Variants in CALML4 observed in about 807,000 individuals in gnomAD.
The protein encoded by CALML4 is calmodulin-like protein 4.
CALML4 carries 16 observed loss-of-function variants against 17.9 expected under a neutral mutation model. That is an observed-to-expected ratio of 0.89 (90% CI 0.61 to 1.36). The LOEUF is 1.36. Among genes scored for constraint, CALML4 ranks in the 40% most tolerant of loss-of-function variants. CALML4 has a pLI of 0.00. For synonymous variants in CALML4, 86 were observed against 71.5 expected (o/e 1.20, Z -1.02); for missense variants, 203 against 194.8 (o/e 1.04, Z -0.25).
At position 68,199,681 on chromosome 15, in the gene CALML4, T is replaced by TC; in HGVS notation, c.35-1dup (p.Glu12GlyfsTer10). The stretch of plus-strand genomic sequence containing the variant: ...ATACAGGGAGAAGCATTCCTTGTAC[T>TC]CTGCACACGGCCCAGAGGGAGGGTC... On this transcript the variant is annotated frameshift_variant and splice_region_variant. Transcript: ENST00000467889. LOFTEE classifies it high-confidence loss of function. 6.2e-7 allele frequency: 1 copy of TC among 1,612,782 alleles called. No individual in the cohort carries two copies. The highest frequency in any genetic ancestry group is 8.5e-7 in the Non-Finnish European group (1 of 1,179,730).
At position 68,199,607 on chromosome 15, in the gene CALML4, T is replaced by A. The variant is rs368129130; in HGVS notation, c.109A>T (p.Met37Leu). ...GTCGGGCTGGCCCCCAGGCACCTCA[T>A]GGCCACCATGAGGTCGGTGGCTTTT... ...KIKATDLMVA[M>L]RCLGASPTPG... The change falls in exon 3 of 5, where the codon ATG becomes TTG. Residue 37 changes from methionine (M) to leucine (L), a missense_variant. Physicochemically the swap from Met to Leu is conservative, Grantham distance 15 (BLOSUM62 2). Coordinates refer to ENST00000467889, the MANE Select transcript of CALML4 (RefSeq NM_033429.3). 6.2e-7 allele frequency: 1 copy of A among 1,613,768 alleles called. No homozygotes were observed. Among genetic ancestry groups the A allele is most frequent in the Non-Finnish European group, 8.5e-7 (1 of 1,179,950 alleles).
In CALML4 at chr15:68,197,435, G is replaced by T; in HGVS notation, c.364+5C>A. On this transcript the variant is annotated splice_donor_5th_base_variant and intron_variant, in intron 4 of 4. Transcript: ENST00000467889. This position sits in a 1 kb window ranked among gnomAD's most constrained non-coding sequence, Gnocchi z 4.1. Reference sequence around the variant, plus strand: ...ACTGTTGGGAGACAGGACCCAGGCTGTTACCTTCCTTGTGGGTGAGCTTCT... The same window carrying T: ...ACTGTTGGGAGACAGGACCCAGGCTTTTACCTTCCTTGTGGGTGAGCTTCT... 6.2e-7 allele frequency: 1 copy of T among 1,613,008 alleles called. No individual in the cohort carries two copies. Among genetic ancestry groups the T allele is most frequent in the Non-Finnish European group, 8.5e-7 (1 of 1,179,470 alleles).
At chr15:68,202,105 C>A (rs930705665) in intron 2 of CALML4, among the ~76,000 whole-genome samples, 7 of 152,198 alleles carry the variant, frequency 4.6e-5, no homozygotes, top group African/African-American at 1.7e-4. Flanking sequence ...GATTAAAAAT[C>A]CCCTTTAAGT....
rs367834252 is a variant in CALML4 at position 68,200,556 on chromosome 15, C to G, written c.35-875G>C. On this transcript the variant is annotated intron_variant, in intron 2 of 4. Coordinates refer to ENST00000467889, the MANE Select transcript of CALML4 (RefSeq NM_033429.3). This position sits in a 1 kb window ranked among gnomAD's most constrained non-coding sequence, Gnocchi z 4.3. Reference sequence around the variant, plus strand: ...CCAGCTGGGAGTTCAGGAAAAGTCCCTGAACCGCACTGACTGAGCATCTGA... The same window carrying G: ...CCAGCTGGGAGTTCAGGAAAAGTCCGTGAACCGCACTGACTGAGCATCTGA... 6.6e-6 allele frequency among the ~76,000 whole-genome samples: 1 copy of G among 152,238 alleles called. No homozygotes were observed. Among genetic ancestry groups the G allele is most frequent in the African/African-American group, 2.4e-5 (1 of 41,474 alleles).
chr15:68,197,734 A>G lies in CALML4; in HGVS notation c.176-106T>C, dbSNP rs886498080. ...ACAGCCGGTTCAAGGTCAACTGACCAGGGAATGCCAGGATGTGGCAGTGGT... is the reference window on the plus strand; with the variant it reads ...ACAGCCGGTTCAAGGTCAACTGACCGGGGAATGCCAGGATGTGGCAGTGGT... On this transcript the variant is annotated intron_variant, in intron 3 of 4. Coordinates refer to ENST00000467889, the MANE Select transcript of CALML4 (RefSeq NM_033429.3). The surrounding 1 kb of genome is among the most constrained non-coding windows in gnomAD (Gnocchi z 4.1). 2 of 975,518 alleles carry G rather than the reference A, an allele frequency of 2.1e-6. No homozygotes were observed. Among genetic ancestry groups the G allele is most frequent in the African/African-American group, 1.6e-5 (1 of 60,988 alleles). The allele number at this position is 975,518 out of a possible 1,614,324, so 60.4% of individuals were successfully genotyped here.
intron 2 of CALML4, among the ~76,000 whole-genome samples, chr15:68,202,343 C>T (rs960271072): frequency 1.3e-5 from 2 of 152,222 alleles, no homozygotes; most frequent in Non-Finnish European, 1.5e-5. Context: ...CAGTGGCTCA[C>T]GCCTGTAATC....
Position 68,197,483 on chromosome 15 carries a change from C to T in CALML4, c.321G>A (p.Arg107=), listed in dbSNP as rs1468702330. The T allele has an allele frequency of 6.2e-7, 1 of 1,614,036 alleles. No homozygotes were observed. The highest frequency in any genetic ancestry group is 8.5e-7 in the Non-Finnish European group (1 of 1,180,032). Residue 107 remains arginine (R), a synonymous_variant, in exon 4 of 5, where the codon CGG becomes CGA. Transcript: ENST00000467889. The surrounding 1 kb of genome is among the most constrained non-coding windows in gnomAD (Gnocchi z 4.1). ...KKGYVMASDL[R]SKLTSLGEKL... ...TCTCCCCCAGACTCGTGAGTTTTGACCGCAGGTCGGACGCCATGACGTAAC... is the reference window on the plus strand; with the variant it reads ...TCTCCCCCAGACTCGTGAGTTTTGATCGCAGGTCGGACGCCATGACGTAAC...
At chr15:68,205,576 G>A, upstream of CALML4, 1 of 631,164 alleles carries the variant, frequency 1.6e-6, no homozygotes, top group Non-Finnish European at 2.7e-6. The surrounding 1 kb of genome is among the most constrained non-coding windows in gnomAD (Gnocchi z 4.8). Flanking sequence ...TCCAGGAAGG[G>A]GTCTTCTCTC....
In CALML4 at chr15:68,197,491, C is replaced by T. The variant is rs375308448; in HGVS notation, c.313G>A (p.Asp105Asn). The change falls in exon 4 of 5, where the codon GAC becomes AAC. Residue 105 changes from aspartate to asparagine, a missense_variant. By Grantham distance (23) the Asp-to-Asn change is conservative. Coordinates refer to ENST00000467889, the MANE Select transcript of CALML4 (RefSeq NM_033429.3). The surrounding 1 kb of genome is among the most constrained non-coding windows in gnomAD (Gnocchi z 4.1). ...AGACTCGTGAGTTTTGACCGCAGGT[C>T]GGACGCCATGACGTAACCTTTCTTC... ...KEKKGYVMAS[D>N]LRSKLTSLGE... is the part of the protein sequence containing the mutation. 31 of 1,614,036 alleles carry T rather than the reference C, an allele frequency of 1.9e-5. No individual in the cohort carries two copies. The highest frequency in any genetic ancestry group is 2.6e-5 in the Non-Finnish European group (31 of 1,180,042).
Position 68,191,540 on chromosome 15 carries a change from T to C in CALML4, c.*2475A>G, listed in dbSNP as rs1251251922. On this transcript the variant is annotated 3_prime_UTR_variant, in exon 5 of 5. Coordinates refer to ENST00000467889, the MANE Select transcript of CALML4 (RefSeq NM_033429.3). Reference sequence around the variant, plus strand: ...TGAGACAAGTGATAATGGTTTGTGCTTCCAAAGCACCTTTCATCCAGAGAT... The same window carrying C: ...TGAGACAAGTGATAATGGTTTGTGCCTCCAAAGCACCTTTCATCCAGAGAT... 2 of 152,678 alleles carry C rather than the reference T, an allele frequency of 1.3e-5. No homozygotes were observed. The highest frequency in any genetic ancestry group is 2.9e-5 in the Non-Finnish European group (2 of 68,046). 9.5% of individuals were successfully genotyped at this position (152,678 alleles called of 1,614,324 possible).
upstream of CALML4, chr15:68,205,709 C>T (rs941433316): frequency 5.7e-5 from 18 of 316,522 alleles, no homozygotes; most frequent in Admixed American, 1.7e-4. This position sits in a 1 kb window ranked among gnomAD's most constrained non-coding sequence, Gnocchi z 4.8. Flanking sequence ...CCTTCCAAGA[C>T]GGCCTAACTC....
intron 4 of CALML4, among the ~76,000 whole-genome samples, chr15:68,194,416 T>A (rs955913178): frequency 2.7e-5 from 4 of 149,290 alleles, no homozygotes; most frequent in African/African-American, 9.9e-5. Context: ...ACAGTTTCGC[T>A]CTTGTTGCCC....
chr15:68,199,335 T>TAGGCGTATGGG (rs2093157164), intron 3 of CALML4, among the ~76,000 whole-genome samples: 1 of 152,152 alleles, frequency 6.6e-6, no homozygotes, highest in African/African-American at 2.4e-5. Context: ...TCCCGAGGTC[T>TAGGCGTATGGG]GTGAGATGGG....
chr15:68,198,735 AATAGTTTTTCTAAAAACTATTGC>A (rs66967414), intron 3 of CALML4: 27,780 of 151,982 alleles, frequency 0.18, 2,788 homozygotes, highest in South Asian at 0.24. Flanking sequence ...TTTTTCTAGC[AATAGTTTTTCTAAAAACTATTGC>A]ATAGTTTTTA....
At position 68,194,048 on chromosome 15, in the gene CALML4, GATAAATTCATC is replaced by G; in HGVS notation, c.418_428del (p.Asp140ProfsTer64). 1 of 1,614,018 alleles carries G rather than the reference GATAAATTCATC, an allele frequency of 6.2e-7. No homozygotes were observed. Among genetic ancestry groups the G allele is most frequent in the Non-Finnish European group, 8.5e-7 (1 of 1,179,900 alleles). On this transcript the variant is annotated frameshift_variant, in exon 5 of 5. Transcript: ENST00000467889. LOFTEE classifies it high-confidence loss of function. ...CCCGTCCAGGAAGGGTGATCTTGTG[GATAAATTCATC>G]ATACTTCACTTTGCCATTGGGTTCG...
intron 4 of CALML4, among the ~76,000 whole-genome samples, chr15:68,195,292 T>G (rs954728903): frequency 4.6e-5 from 7 of 152,220 alleles, no homozygotes; most frequent in African/African-American, 1.7e-4. Flanking sequence ...TATCCTGTGA[T>G]TCTCTGCTTA....
intron 2 of CALML4, 43 bp from the exon 3 acceptor site, chr15:68,199,724 C>T: frequency 6.3e-7 from 1 of 1,584,290 alleles, no homozygotes. Flanking sequence ...TCTGGTCACT[C>T]TCCGCCCATG....
At position 68,205,267 on chromosome 15, in the gene CALML4, C is replaced by T; in HGVS notation, c.-20G>A. The T allele has an allele frequency of 1.2e-6, 2 of 1,614,128 alleles. No individual in the cohort carries two copies. Among genetic ancestry groups the T allele is most frequent in the Non-Finnish European group, 1.7e-6 (2 of 1,180,032 alleles). ...CACCATTCTGGGGCCTCGGCTGCTA[C>T]CCGTGGGCTTGCTGCTCCCAGAACC... is the stretch of plus-strand genomic sequence containing the variant. On this transcript the variant is annotated 5_prime_UTR_variant, in exon 1 of 5. Coordinates refer to ENST00000467889, the MANE Select transcript of CALML4 (RefSeq NM_033429.3). This position sits in a 1 kb window ranked among gnomAD's most constrained non-coding sequence, Gnocchi z 4.8.
chr15:68,196,387 A>T (rs1177196712), intron 4 of CALML4, among the ~76,000 whole-genome samples: 1 of 152,154 alleles, frequency 6.6e-6, no homozygotes, highest in Non-Finnish European at 1.5e-5. Flanking sequence ...GCGAGGTGGG[A>T]GAAAGGTCTC....
Sources: allele counts gnomAD v4.1 joint callset (sites outside exome capture counted in the v4.1 genomes callset), GRCh38; gene constraint gnomAD v4.1.1; non-coding constraint Gnocchi (gnomAD v3.1); transcripts MANE v1.5; gene names NCBI Gene and HGNC (gene_info 2026-07-23, HGNC 2026-07-21).